Variants in SWI5 observed in about 807,000 individuals in gnomAD.
The protein encoded by SWI5 is DNA repair protein SWI5 homolog.
A neutral mutation model predicts 17.0 loss-of-function variants in SWI5; 12 were observed. The ratio of observed to expected loss-of-function variants is 0.71; its 90% CI spans 0.45 to 1.14. The LOEUF is 1.14. Ranked by LOEUF, SWI5 falls within the 50% of genes most tolerant of loss-of-function variation. The pLI is 0.00. For missense variants in SWI5, 158 were observed against 162.2 expected (o/e 0.97, Z 0.14); for synonymous variants, 61 against 64.0 (o/e 0.95, Z 0.22).
intron 2 of SWI5, among the ~76,000 whole-genome samples, chr9:128,280,437 C>A (rs1026756544): frequency 6.6e-6 from 1 of 151,840 alleles, no homozygotes; most frequent in African/African-American, 2.4e-5. Context: ...ATCAGAGGAA[C>A]CCCAAGCTCT....
At chr9:128,278,846 C>T (rs893786616) in intron 2 of SWI5, among the ~76,000 whole-genome samples, 6 of 152,030 alleles carry the variant, frequency 3.9e-5, no homozygotes, top group Non-Finnish European at 4.4e-5. Context: ...GATCTTGGCT[C>T]ACTGCAACCT....
At chr9:128,275,516 C>A (rs1279866588), upstream of SWI5, 185 of 1,300,964 alleles carry the variant, frequency 1.4e-4, no homozygotes, top group African/African-American at 1.5e-5. Context: ...GAGTCTGGAG[C>A]GGGGGGCCCC....
chr9:128,278,642 A>G, intron 2 of SWI5: 1 of 471,420 alleles, frequency 2.1e-6, no homozygotes, highest in Non-Finnish European at 4.4e-6. Flanking sequence ...AGTTCCTTCC[A>G]GCAACCTTTG....
upstream of SWI5, chr9:128,276,170 C>G (rs1448687051): frequency 1.3e-6 from 2 of 1,577,782 alleles, no homozygotes; most frequent in Admixed American, 3.8e-5. Flanking sequence ...CCAGAGGGAC[C>G]TGTGGCGTCA....
At chr9:128,276,739 G>C (rs766516995) in exon 2 of SWI5, 2 of 1,612,826 alleles carry the variant, frequency 1.2e-6, no homozygotes, top group South Asian at 1.1e-5. Flanking sequence ...AGTTGCCGCG[G>C]GGCCTTCCGA....
rs767882775 is a variant in SWI5 at position 128,284,597 on chromosome 9, A to G, written c.199A>G (p.Met67Val). 6.8e-6 allele frequency: 11 copies of G among 1,613,978 alleles called. No homozygotes were observed. Among genetic ancestry groups the G allele is most frequent in the East Asian group, 4.5e-5 (2 of 44,852 alleles). The stretch of plus-strand genomic sequence containing the variant: ...TCAGAAACTGAAGGAGAAGAGGGAC[A>G]TGCTGGACAAGGAGATCTCCCAGTT... The change falls in exon 3 of 5, where the codon ATG (methionine) becomes GTG (valine). Residue 67 changes from methionine to valine, a missense_variant. By Grantham distance (21) the Met-to-Val change is conservative. Coordinates refer to ENST00000418976, the Ensembl canonical transcript of SWI5.
intron 2 of SWI5, among the ~76,000 whole-genome samples, chr9:128,284,079 C>T (rs555724045): frequency 5.9e-5 from 9 of 151,566 alleles, no homozygotes; most frequent in African/African-American, 9.7e-5. Context: ...GGGCAGATCA[C>T]GAGGTCAGGA....
At chr9:128,280,305 A>G (rs1035183500) in intron 2 of SWI5, among the ~76,000 whole-genome samples, 1 of 151,710 alleles carries the variant, frequency 6.6e-6, no homozygotes, top group African/African-American at 2.4e-5. Flanking sequence ...TCCAGCCCTG[A>G]CCTTTCTTGG....
chr9:128,276,145 T>C (rs752795241), upstream of SWI5: 6 of 1,566,534 alleles, frequency 3.8e-6, no homozygotes, highest in East Asian at 2.3e-5. Context: ...GGGGCGTGGC[T>C]ATGCAGCGGC....
chr9:128,284,554 GTC>G lies in SWI5; in HGVS notation c.160_161del (p.Leu54AlafsTer3), dbSNP rs1564375006. 5 of 1,614,008 alleles carry G rather than the reference GTC, an allele frequency of 3.1e-6. No individual in the cohort carries two copies. Among genetic ancestry groups the G allele is most frequent in the Admixed American group, 1.7e-5 (1 of 59,998 alleles). On this transcript the variant is annotated frameshift_variant, in exon 3 of 5. Coordinates refer to ENST00000418976, the Ensembl canonical transcript of SWI5. LOFTEE classifies it high-confidence loss of function. ...GCCAGGCTGATGGGACCAGCGAGGA[GTC>G]TCTGCACCTTGACATTCAGAAACTG... is the stretch of plus-strand genomic sequence containing the variant.
chr9:128,281,041 T>TC (rs1831529875), intron 2 of SWI5, among the ~76,000 whole-genome samples: 1 of 136,324 alleles, frequency 7.3e-6, no homozygotes, highest in African/African-American at 2.7e-5. Context: ...TTTTTTTTTT[T>TC]TTTTTTTTTT....
At chr9:128,284,475 G>A in intron 2 of SWI5, 35 bp from the exon 3 acceptor site, 2 of 1,605,836 alleles carry the variant, frequency 1.2e-6, no homozygotes, top group Middle Eastern at 1.7e-4. Flanking sequence ...GTGGATAACT[G>A]GTCAGTCTGG....
chr9:128,275,372 G>A (rs1831256507), upstream of SWI5: 1 of 1,278,386 alleles, frequency 7.8e-7, no homozygotes, highest in Non-Finnish European at 1.0e-6. Flanking sequence ...ACTCCTAGGG[G>A]GAACATCAGC....
At chr9:128,276,453 GC>G in intron 1 of SWI5, 51 bp downstream of exon 1, 1 of 1,594,516 alleles carries the variant, frequency 6.3e-7, no homozygotes. Flanking sequence ...TCACAGCCCT[GC>G]CCCAGACTCT....
Position 128,288,547 on chromosome 9 carries a change from A to G in SWI5, c.329-105A>G, listed in dbSNP as rs1215261898. The stretch of plus-strand genomic sequence containing the variant: ...AGTGTGGGGACTGGCTTGAAGCCAG[A>G]GGTGGTCCTGGGTGGGTCAGGGCAG... On this transcript the variant is annotated intron_variant, in intron 4 of 4. Transcript: ENST00000418976. 4.2e-6 allele frequency: 5 copies of G among 1,177,872 alleles called. No individual in the cohort carries two copies. In the Admixed American group the frequency reaches 5.2e-5, roughly 12 times the overall value. 73.0% of individuals were successfully genotyped at this position (1,177,872 alleles called of 1,614,324 possible).
chr9:128,279,678 A>T (rs572428282), intron 2 of SWI5, among the ~76,000 whole-genome samples: 57 of 152,376 alleles, frequency 3.7e-4, no homozygotes, highest in African/African-American at 1.3e-3. Context: ...GAGCGTGACC[A>T]TTGAAGCACA....
At chr9:128,276,194 G>T, upstream of SWI5, 1 of 1,596,382 alleles carries the variant, frequency 6.3e-7, no homozygotes, top group Non-Finnish European at 8.5e-7. Flanking sequence ...CAAAAGCTGC[G>T]CACGCAACCG....
exon 5 of SWI5, chr9:128,288,920 G>A: frequency 1.7e-6 from 1 of 600,724 alleles, no homozygotes; most frequent in Non-Finnish European, 3.0e-6. Flanking sequence ...CAAGGTTCCT[G>A]AAATGTCGCA....
At chr9:128,275,503 G>C (rs925039843), upstream of SWI5, 15 of 1,309,650 alleles carry the variant, frequency 1.1e-5, no homozygotes, top group African/African-American at 2.3e-4. Flanking sequence ...GGAGGTGAGG[G>C]TCGAGTCTGG....
Sources: allele counts gnomAD v4.1 joint callset (sites outside exome capture counted in the v4.1 genomes callset), GRCh38; gene constraint gnomAD v4.1.1; transcripts MANE v1.5; gene names NCBI Gene and HGNC (gene_info 2026-07-23, HGNC 2026-07-21).